Variants in CNIH3 observed in about 807,000 individuals in gnomAD.
CNIH3 encodes the protein protein cornichon homolog 3.
In CNIH3, 14 loss-of-function variants were observed where a neutral mutation model predicts 24.1. The ratio of observed to expected loss-of-function variants is 0.58; its 90% CI spans 0.38 to 0.91. The LOEUF (loss-of-function observed/expected upper bound fraction) is 0.91, where lower values mean the gene tolerates loss of function less well. CNIH3 is among the 40% of genes least tolerant of loss of function. The pLI is 0.00. For synonymous variants in CNIH3, 68 were observed against 73.8 expected (o/e 0.92, Z 0.40); for missense variants, 178 against 196.8 (o/e 0.90, Z 0.57).
intron 3 of CNIH3, among the ~76,000 whole-genome samples, chr1:224,702,056 A>G (rs186967358): frequency 2.6e-5 from 4 of 152,052 alleles, no homozygotes; most frequent in Admixed American, 2.6e-4. Context: ...TTAGATAGAC[A>G]AATACATGTA....
chr1:224,652,995 G>T (rs1044297394), intron 1 of CNIH3, among the ~76,000 whole-genome samples: 1 of 152,244 alleles, frequency 6.6e-6, no homozygotes, highest in East Asian at 1.9e-4. Context: ...CGGAAGGCCA[G>T]CTGGAGGAAG....
chr1:224,679,193 T>C (rs368295727), intron 1 of CNIH3, among the ~76,000 whole-genome samples: 15 of 152,206 alleles, frequency 9.9e-5, no homozygotes, highest in East Asian at 9.7e-4. Flanking sequence ...TTGTATTTTT[T>C]TTTGTACATG....
intron 1 of CNIH3, among the ~76,000 whole-genome samples, chr1:224,637,460 C>A (rs1684149622): frequency 6.7e-6 from 1 of 149,540 alleles, no homozygotes; most frequent in Non-Finnish European, 1.5e-5. Context: ...GTTGCTTCAG[C>A]CTCCTGATGT....
At chr1:224,451,495 C>T (rs1333795470) in intron 1 of CNIH3, among the ~76,000 whole-genome samples, 1 of 152,178 alleles carries the variant, frequency 6.6e-6, no homozygotes, top group Non-Finnish European at 1.5e-5. Context: ...CACACCAAGG[C>T]TGTGTCTAGA....
intron 1 of CNIH3, among the ~76,000 whole-genome samples, chr1:224,439,183 C>G (rs896884858): frequency 6.6e-6 from 1 of 152,146 alleles, no homozygotes; most frequent in Non-Finnish European, 1.5e-5. Flanking sequence ...GCTTATTTTC[C>G]CCTTCTGCAA....
intron 1 of CNIH3, among the ~76,000 whole-genome samples, chr1:224,630,451 G>A (rs887344164): frequency 6.6e-6 from 1 of 152,038 alleles, no homozygotes; most frequent in Non-Finnish European, 1.5e-5. Flanking sequence ...AGTCACAAAC[G>A]TGATTTAAAA....
At chr1:224,532,228 G>A (rs938034100) in intron 2 of CNIH3, among the ~76,000 whole-genome samples, 1 of 152,172 alleles carries the variant, frequency 6.6e-6, no homozygotes, top group African/African-American at 2.4e-5. Context: ...CATTTCCCGT[G>A]CAAAGGCTCT....
chr1:224,524,587 G>A (rs889408644), intron 2 of CNIH3, among the ~76,000 whole-genome samples: 7 of 152,150 alleles, frequency 4.6e-5, no homozygotes, highest in Non-Finnish European at 1.0e-4. Context: ...ACTGTAGAGG[G>A]AATGACTTAG....
chr1:224,593,894 GATTGTCTTCAGTTT>G (rs1681867387), intron 3 of CNIH3, among the ~76,000 whole-genome samples: 1 of 152,158 alleles, frequency 6.6e-6, no homozygotes. Context: ...TATAGGCAGG[GATTGTCTTCAGTTT>G]ATTGTGCCTG....
chr1:224,537,899 G>A (rs1182073687), downstream of CNIH3, among the ~76,000 whole-genome samples: 1 of 152,104 alleles, frequency 6.6e-6, no homozygotes, highest in Non-Finnish European at 1.5e-5. Context: ...TCAACTAAAG[G>A]TAGAGGACCC....
chr1:224,735,346 A>G (rs1689542276), intron 5 of CNIH3, among the ~76,000 whole-genome samples: 1 of 152,216 alleles, frequency 6.6e-6, no homozygotes, highest in Non-Finnish European at 1.5e-5. Context: ...AGATAGCTAT[A>G]AACAGACTGT....
At position 224,575,383 on chromosome 1, in the gene CNIH3, G is replaced by A. The variant is rs1278729004; in HGVS notation, n.517-7781G>A. The A allele has an allele frequency of 2.8e-6, 3 of 1,083,120 alleles. No homozygotes were observed. In the African/African-American group the frequency reaches 4.6e-5, roughly 17 times the overall value. 67.1% of individuals were successfully genotyped at this position (1,083,120 alleles called of 1,614,324 possible). A position where few individuals can be genotyped will look rare whatever the true frequency, so the allele number is the denominator to read the frequency against. On this transcript the variant is annotated intron_variant and non_coding_transcript_variant, in intron 4 of 5. Transcript: ENST00000471578. ...ACAAGGATTACCCCTTCCATGAAGA[G>A]TTTTGAAGCTGTGGATGCCTGCTTG...
At chr1:224,619,773 T>A (rs1473200551) in intron 1 of CNIH3, among the ~76,000 whole-genome samples, 1 of 152,218 alleles carries the variant, frequency 6.6e-6, no homozygotes, top group Non-Finnish European at 1.5e-5. Context: ...GTGATATATA[T>A]CAGTACCCCA....
At chr1:224,517,288 G>T (rs1311426558) in intron 1 of CNIH3, among the ~76,000 whole-genome samples, 1 of 151,974 alleles carries the variant, frequency 6.6e-6, no homozygotes. Flanking sequence ...TGCCAGCTGG[G>T]AGCCTATTTA....
At chr1:224,624,313 T>C (rs1683416203) in intron 1 of CNIH3, among the ~76,000 whole-genome samples, 1 of 152,166 alleles carries the variant, frequency 6.6e-6, no homozygotes, top group Non-Finnish European at 1.5e-5. Flanking sequence ...CTGTTTCTCC[T>C]CCATCTCCCC....
At chr1:224,676,462 T>C (rs1686144620) in intron 1 of CNIH3, among the ~76,000 whole-genome samples, 1 of 152,202 alleles carries the variant, frequency 6.6e-6, no homozygotes, top group African/African-American at 2.4e-5. Flanking sequence ...CACAGAACTT[T>C]TCACCAAAAA....
intron 3 of CNIH3, among the ~76,000 whole-genome samples, chr1:224,564,503 C>G (rs918436681): frequency 1.3e-5 from 2 of 152,218 alleles, no homozygotes; most frequent in Admixed American, 1.3e-4. Context: ...TATTCTCAAC[C>G]CCTCCCACTG....
chr1:224,616,352 G>GGCAGCGGCAGCGGCAGCA lies in CNIH3; in HGVS notation c.-818_-817insGGCAGCGGCAGCAGCAGC. 1.8e-6 allele frequency: 1 copy of GGCAGCGGCAGCGGCAGCA among 562,362 alleles called. No homozygotes were observed. Among genetic ancestry groups the GGCAGCGGCAGCGGCAGCA allele is most frequent in the East Asian group, 1.3e-4 (1 of 7,658 alleles). 34.8% of individuals were successfully genotyped at this position (562,362 alleles called of 1,614,324 possible). ...AGGCGGCGGCGGCGGCGGCGGCAGCGGCAGCAGCAGGTGGAGCGAGCTACA... is the reference window on the plus strand; with the variant it reads ...AGGCGGCGGCGGCGGCGGCGGCAGCGGCAGCGGCAGCGGCAGCAGCAGCAGCAGGTGGAGCGAGCTACA... On this transcript the variant is annotated 5_prime_UTR_variant, in exon 1 of 6. Coordinates refer to ENST00000272133, the MANE Select transcript of CNIH3 (RefSeq NM_152495.2).
intron 1 of CNIH3, among the ~76,000 whole-genome samples, chr1:224,463,573 AT>A (rs903024911): frequency 2.7e-4 from 40 of 149,358 alleles, no homozygotes; most frequent in African/African-American, 9.9e-4. Context: ...TGCCCGGCTA[AT>A]TTTGTATTTT....
Sources: gnomAD v4.1 joint callset for allele counts (sites outside exome capture counted in the v4.1 genomes callset) on GRCh38, gnomAD v4.1.1 for gene constraint, MANE v1.5 for transcripts, NCBI Gene and HGNC (gene_info 2026-07-23, HGNC 2026-07-21) for gene names.